PLPP1: variants seen among roughly 807,000 people sequenced by gnomAD.
PLPP1 encodes the protein phospholipid phosphatase 1.
A neutral mutation model predicts 31.2 loss-of-function variants in PLPP1; 24 were observed. The observed-to-expected ratio is 0.77, with a 90% confidence interval of 0.56 to 1.08. The LOEUF is 1.08. PLPP1 is among the 50% of genes least tolerant of loss of function. PLPP1 has a pLI of 0.00. For missense variants in PLPP1, 319 were observed against 342.7 expected, an observed-to-expected ratio of 0.93 and a Z score of 0.55; for synonymous variants, 146 against 126.3, an observed-to-expected ratio of 1.16 and a Z score of -1.05.
At chr5:55,522,900 A>G (rs894598069) in intron 1 of PLPP1, among the ~76,000 whole-genome samples, 1 of 151,952 alleles carries the variant, frequency 6.6e-6, no homozygotes, top group Non-Finnish European at 1.5e-5. Context: ...TTGTATTTTT[A>G]GTACAGACGG....
intron 1 of PLPP1, among the ~76,000 whole-genome samples, chr5:55,478,528 G>GGT (rs1367466894): frequency 6.6e-6 from 1 of 152,188 alleles, no homozygotes; most frequent in East Asian, 1.9e-4. Flanking sequence ...CTAGGACAGA[G>GGT]ACAGAGATTT....
intron 3 of PLPP1, among the ~76,000 whole-genome samples, chr5:55,455,570 G>A (rs530632210): frequency 1.3e-5 from 2 of 152,180 alleles, no homozygotes; most frequent in African/African-American, 4.8e-5. Context: ...GTAGTGCGCT[G>A]TGATCGTACC....
intron 3 of PLPP1, among the ~76,000 whole-genome samples, chr5:55,463,401 C>T (rs1377691262): frequency 2.6e-5 from 4 of 152,084 alleles, no homozygotes; most frequent in Admixed American, 6.6e-5. Context: ...GTGGCTCACG[C>T]GTGTAACCCT....
At position 55,530,946 on chromosome 5, in the gene PLPP1, C is replaced by CGGCCGAGGTGACGGTGACG. The variant is rs1554042995; in HGVS notation, c.58+3607_58+3625dup. On this transcript the variant is annotated intron_variant, in intron 1 of 5. Transcript: ENST00000307259. ...GATGGTGACATGGTGACAGCGGCAG[C>CGGCCGAGGTGACGGTGACG]GGCCGAGGTGACGGTGACGGCCCGG... Among the ~76,000 whole-genome samples the CGGCCGAGGTGACGGTGACG allele has an allele frequency of 4.1e-3, 629 of 152,260 alleles. 4 individuals carry two copies. The highest frequency in any genetic ancestry group is 0.014 in the African/African-American group (601 of 41,534).
intron 1 of PLPP1, among the ~76,000 whole-genome samples, chr5:55,515,107 T>C (rs1753527764): frequency 6.6e-6 from 1 of 152,138 alleles, no homozygotes; most frequent in Non-Finnish European, 1.5e-5. Context: ...CACAAGAAAA[T>C]AGCAAAGCAG....
At chr5:55,444,781 C>T (rs1450443549) in intron 3 of PLPP1, among the ~76,000 whole-genome samples, 2 of 20,802 alleles carry the variant, frequency 9.6e-5, no homozygotes, top group Non-Finnish European at 1.7e-4. Flanking sequence ...GATGGAGTCT[C>T]GCTCTGTTAC....
chr5:55,511,306 A>T (rs970297618), intron 1 of PLPP1, among the ~76,000 whole-genome samples: 2 of 152,250 alleles, frequency 1.3e-5, no homozygotes, highest in African/African-American at 4.8e-5. Context: ...AGGACGTTGT[A>T]CACAGCATAA....
chr5:55,528,253 G>A (rs1740540539), intron 1 of PLPP1, among the ~76,000 whole-genome samples: 1 of 152,046 alleles, frequency 6.6e-6, no homozygotes, highest in African/African-American at 2.4e-5. Context: ...AGTAATTCCA[G>A]GTAACTTCTG....
In PLPP1 at chr5:55,475,371, C is replaced by T. The variant is rs201512812; in HGVS notation, c.138G>A (p.Lys46=). 1.5e-5 allele frequency: 24 copies of T among 1,612,178 alleles called. No individual in the cohort carries two copies. In the East Asian group the frequency reaches 4.2e-4, roughly 28 times the overall value. ...RGVFCNDESI[K]YPYKEDTIPY... is the part of the protein sequence containing the mutation. Reference sequence around the variant, plus strand: ...GTATGGTGTCTTCTTTGTAAGGGTACTTGATGGACTCATCATTACAGAATA... The same window carrying T: ...GTATGGTGTCTTCTTTGTAAGGGTATTTGATGGACTCATCATTACAGAATA... The change falls in exon 2 of 6, where the codon AAG becomes AAA. Residue 46 remains lysine (K), a synonymous_variant. Coordinates refer to ENST00000307259, the MANE Select transcript of PLPP1 (RefSeq NM_003711.4).
chr5:55,435,187 A>G (rs1374196808), intron 4 of PLPP1, among the ~76,000 whole-genome samples: 1 of 152,212 alleles, frequency 6.6e-6, no homozygotes, highest in Non-Finnish European at 1.5e-5. Context: ...CAAAACCACA[A>G]TCTTACCTCA....
At chr5:55,426,191 A>G (rs1751190401) in intron 4 of PLPP1, 152 bp from the exon 5 acceptor site, 2 of 674,254 alleles carry the variant, frequency 3.0e-6, no homozygotes, top group African/African-American at 1.8e-5. Context: ...ATTATTACCT[A>G]AATGTTAATC....
At chr5:55,427,391 C>G (rs1751230346) in intron 4 of PLPP1, among the ~76,000 whole-genome samples, 1 of 152,130 alleles carries the variant, frequency 6.6e-6, no homozygotes, top group African/African-American at 2.4e-5. Flanking sequence ...AAGAGCACAC[C>G]AGCTGTTTAA....
At chr5:55,435,859 C>T (rs1751479729) in intron 4 of PLPP1, among the ~76,000 whole-genome samples, 1 of 151,966 alleles carries the variant, frequency 6.6e-6, no homozygotes, top group South Asian at 2.1e-4. Flanking sequence ...ATTTCTATTC[C>T]TCCCTGTCTC....
At chr5:55,492,757 C>T (rs557882572) in intron 1 of PLPP1, among the ~76,000 whole-genome samples, 1 of 152,194 alleles carries the variant, frequency 6.6e-6, no homozygotes, top group East Asian at 1.9e-4. Flanking sequence ...CCTTACCTCA[C>T]CTCTGTGAAG....
At chr5:55,435,960 G>A (rs1751482544) in intron 4 of PLPP1, among the ~76,000 whole-genome samples, 2 of 150,578 alleles carry the variant, frequency 1.3e-5, no homozygotes, top group African/African-American at 4.9e-5. Context: ...GTTGCAGTGA[G>A]CCGTGATCAC....
At chr5:55,475,582 G>A (rs1752520455) in intron 1 of PLPP1, 132 bp from the exon 2 acceptor site, 2 of 808,298 alleles carry the variant, frequency 2.5e-6, no homozygotes, top group Admixed American at 3.4e-5. Context: ...ATGTAAAAAA[G>A]GAAATGCAGC....
intron 3 of PLPP1, among the ~76,000 whole-genome samples, chr5:55,458,301 A>C (rs1579936822): frequency 6.6e-6 from 1 of 152,336 alleles, no homozygotes; most frequent in East Asian, 1.9e-4. Flanking sequence ...ATAAGAAGAT[A>C]GTTAACTCCC....
chr5:55,527,177 T>A (rs547918814), intron 1 of PLPP1, among the ~76,000 whole-genome samples: 1 of 152,042 alleles, frequency 6.6e-6, no homozygotes. Context: ...ACTTGTTTTT[T>A]CCCCCTTTGA....
chr5:55,510,084 T>C (rs1289409149), intron 1 of PLPP1, among the ~76,000 whole-genome samples: 1 of 152,212 alleles, frequency 6.6e-6, no homozygotes, highest in African/African-American at 2.4e-5. Flanking sequence ...TCCATGGTAT[T>C]TGAAGCTATA....
Sources: gnomAD v4.1 joint callset for allele counts (sites outside exome capture counted in the v4.1 genomes callset) on GRCh38, gnomAD v4.1.1 for gene constraint, MANE v1.5 for transcripts, NCBI Gene and HGNC (gene_info 2026-07-23, HGNC 2026-07-21) for gene names.